Variants in TMEM131L observed in about 807,000 individuals in gnomAD.
TMEM131L encodes transmembrane protein 131-like.
A neutral mutation model predicts 192.2 loss-of-function variants in TMEM131L; 54 were observed. That is an observed-to-expected ratio of 0.28 (90% CI 0.23 to 0.35). The LOEUF (loss-of-function observed/expected upper bound fraction) is 0.35. Among genes scored for constraint, TMEM131L ranks in the 10% least tolerant of loss-of-function variants. The pLI is 1.00. For synonymous variants in TMEM131L, 701 were observed against 704.9 expected (o/e 0.99, Z 0.09); for missense variants, 1,888 against 1,972.9 (o/e 0.96, Z 0.82).
At position 153,593,783 on chromosome 4, in the gene TMEM131L, G is replaced by C; in HGVS notation, c.1923-16G>C. On this transcript the variant is annotated splice_polypyrimidine_tract_variant and intron_variant, in intron 18 of 34. Transcript: ENST00000409959. ...GATGTGAGTGCTGTTTTAAACATTT[G>C]CTTTTTTCCTTATAGGTTTGGCACT... 2 of 1,579,888 alleles carry C rather than the reference G, an allele frequency of 1.3e-6. No homozygotes were observed. Among genetic ancestry groups the C allele is most frequent in the Non-Finnish European group, 1.7e-6 (2 of 1,148,754 alleles).
At chr4:153,613,972 T>C (rs991318337) in intron 26 of TMEM131L, among the ~76,000 whole-genome samples, 1 of 152,214 alleles carries the variant, frequency 6.6e-6, no homozygotes, top group African/African-American at 2.4e-5. Flanking sequence ...GAGGTTTCTG[T>C]GTAACCAAAC....
At chr4:153,606,482 T>A (rs1372733351) in intron 25 of TMEM131L, among the ~76,000 whole-genome samples, 1 of 152,184 alleles carries the variant, frequency 6.6e-6, no homozygotes, top group African/African-American at 2.4e-5. Flanking sequence ...AAATGTAGTG[T>A]CAGAGTAGGT....
At chr4:153,549,502 GAT>G (rs1474975633) in intron 3 of TMEM131L, among the ~76,000 whole-genome samples, 3 of 152,024 alleles carry the variant, frequency 2.0e-5, no homozygotes, top group Non-Finnish European at 2.9e-5. Flanking sequence ...AATATGTTTT[GAT>G]ATGTTTTTCT....
At chr4:153,496,473 C>T (rs1733645771) in intron 3 of TMEM131L, among the ~76,000 whole-genome samples, 1 of 152,192 alleles carries the variant, frequency 6.6e-6, no homozygotes, top group African/African-American at 2.4e-5. Context: ...AATCTAAGTC[C>T]CCTCTGCATA....
chr4:153,580,880 A>G lies in TMEM131L; in HGVS notation c.715A>G (p.Asn239Asp), dbSNP rs1471454080. ...LQVQLECSLHNKVCQQLKGCY... is the reference protein window; with the variant it reads ...LQVQLECSLHDKVCQQLKGCY... ...GGTGCAACTGGAATGCAGTTTACAT[A>G]ATAAAGTGTGTCAGCAATTAAAGGT... Residue 239 changes from asparagine to aspartate, a missense_variant, in exon 8 of 35, where the codon AAT becomes GAT. Asn to Asp is a conservative substitution (Grantham distance 23). Coordinates refer to ENST00000409959, the MANE Select transcript of TMEM131L (RefSeq NM_001131007.2). The G allele has an allele frequency of 1.2e-6, 2 of 1,610,384 alleles. No individual in the cohort carries two copies. Among genetic ancestry groups the G allele is most frequent in the Admixed American group, 3.3e-5 (2 of 59,992 alleles).
At chr4:153,614,239 C>T (rs1163486619) in intron 26 of TMEM131L, among the ~76,000 whole-genome samples, 2 of 152,148 alleles carry the variant, frequency 1.3e-5, no homozygotes, top group African/African-American at 2.4e-5. Context: ...TCAGAGTCCT[C>T]CTAGGTCGGA....
rs532029861 is a variant in TMEM131L at position 153,557,298 on chromosome 4, CT to C, written c.549+217del. 5.3e-5 allele frequency among the ~76,000 whole-genome samples: 8 copies of C among 152,274 alleles called. No individual in the cohort carries two copies. The South Asian group carries it at 1.5e-3, about 28-fold the overall frequency. On this transcript the variant is annotated intron_variant, in intron 6 of 34. Coordinates refer to ENST00000409959, the MANE Select transcript of TMEM131L (RefSeq NM_001131007.2). Reference sequence around the variant, plus strand: ...TCCTACTGATGACGGAGCTATAGTCCTACTGTGGGTCTTTGGAGGATACTAG... The same window carrying C: ...TCCTACTGATGACGGAGCTATAGTCCACTGTGGGTCTTTGGAGGATACTAG...
chr4:153,600,430 ATTTAG>A (rs992677682), intron 21 of TMEM131L, among the ~76,000 whole-genome samples: 7 of 152,232 alleles, frequency 4.6e-5, no homozygotes, highest in African/African-American at 1.7e-4. Flanking sequence ...TTGATTTGAA[ATTTAG>A]TTTAAATAGC....
intron 8 of TMEM131L, 25 bp downstream of exon 8, chr4:153,580,928 C>T (rs374487727): frequency 4.4e-5 from 65 of 1,468,564 alleles, no homozygotes; most frequent in African/African-American, 5.7e-5. Flanking sequence ...GTAGTGTTTT[C>T]TCTCTGCTTT....
At chr4:153,596,956 T>C (rs189562166) in intron 20 of TMEM131L, among the ~76,000 whole-genome samples, 119 of 152,314 alleles carry the variant, frequency 7.8e-4, no homozygotes, top group Admixed American at 7.2e-3. Context: ...GTCTTGAGAG[T>C]CTTTTAAAAA....
At chr4:153,575,157 A>G (rs1394709209) in intron 7 of TMEM131L, among the ~76,000 whole-genome samples, 2 of 152,198 alleles carry the variant, frequency 1.3e-5, no homozygotes, top group Admixed American at 6.5e-5. Context: ...CATCAGAATG[A>G]CTTAATACTT....
chr4:153,484,858 G>A (rs1167254505), intron 3 of TMEM131L, among the ~76,000 whole-genome samples: 6 of 146,318 alleles, frequency 4.1e-5, no homozygotes, highest in Non-Finnish European at 7.5e-5. Context: ...AGTGGCTCAC[G>A]CCTGTAATCC....
At chr4:153,528,923 C>T (rs1402899417) in intron 3 of TMEM131L, among the ~76,000 whole-genome samples, 2 of 152,132 alleles carry the variant, frequency 1.3e-5, no homozygotes, top group African/African-American at 4.8e-5. Flanking sequence ...TGAATTTTGG[C>T]ACCCTTTCGG....
At chr4:153,587,651 C>G (rs969574648) in intron 14 of TMEM131L, 91 bp from the exon 15 acceptor site, 10 of 930,798 alleles carry the variant, frequency 1.1e-5, no homozygotes, top group Non-Finnish European at 1.8e-5. Context: ...CACTGAGGTG[C>G]AGACCAATGT....
intron 3 of TMEM131L, among the ~76,000 whole-genome samples, chr4:153,532,649 CTT>C (rs1735992294): frequency 6.6e-6 from 1 of 151,758 alleles, no homozygotes; most frequent in African/African-American, 2.4e-5. Flanking sequence ...TCGACGGACA[CTT>C]TTTCTTTTTT....
At chr4:153,560,244 CTGAT>C (rs1728763260) in intron 7 of TMEM131L, among the ~76,000 whole-genome samples, 3 of 152,176 alleles carry the variant, frequency 2.0e-5, no homozygotes, top group Admixed American at 6.5e-5. Flanking sequence ...CAGGGACCAT[CTGAT>C]TGAGCTTCCC....
intron 26 of TMEM131L, among the ~76,000 whole-genome samples, chr4:153,619,173 C>T (rs935212007): frequency 2.0e-4 from 30 of 152,142 alleles, no homozygotes; most frequent in African/African-American, 7.0e-4. Flanking sequence ...CTTACCAGCT[C>T]ACGCTTTCTC....
intron 4 of TMEM131L, among the ~76,000 whole-genome samples, chr4:153,550,552 T>A (rs1354794178): frequency 1.3e-5 from 2 of 152,184 alleles, no homozygotes; most frequent in Non-Finnish European, 2.9e-5. Flanking sequence ...GGTCTTGATC[T>A]CCTGACTTCG....
At chr4:153,578,269 TC>T (rs1730092843) in intron 7 of TMEM131L, among the ~76,000 whole-genome samples, 1 of 152,096 alleles carries the variant, frequency 6.6e-6, no homozygotes. Flanking sequence ...GGTGGGAGGA[TC>T]GCTTGAGGCC....
Sources: allele counts gnomAD v4.1 joint callset (sites outside exome capture counted in the v4.1 genomes callset), GRCh38; gene constraint gnomAD v4.1.1; transcripts MANE v1.5; gene names NCBI Gene and HGNC (gene_info 2026-07-23, HGNC 2026-07-21).